The following MSRA variants were observed in gnomAD, a reference collection of about 807,000 sequenced individuals.
MSRA encodes the protein mitochondrial peptide methionine sulfoxide reductase.
Under a neutral mutation model 31.3 loss-of-function variants are expected in MSRA, and 54 were observed. The observed-to-expected ratio is 1.73, with a 90% CI of 1.39 to 2.17. The LOEUF is 2.17. Ranked by LOEUF, MSRA falls within the 30% of genes most tolerant of loss-of-function variation. The pLI is 0.00. For missense variants in MSRA, 507 were observed against 300.9 expected (o/e 1.69, Z -5.07); for synonymous variants, 169 against 116.5 (o/e 1.45, Z -2.90).
intron 1 of MSRA, among the ~76,000 whole-genome samples, chr8:10,206,023 T>C (rs1192046711): frequency 6.6e-6 from 1 of 152,260 alleles, no homozygotes; most frequent in Non-Finnish European, 1.5e-5. Context: ...TCATAGATAT[T>C]ATGTGTATCA....
At chr8:10,312,416 C>T (rs1002591829) in intron 4 of MSRA, among the ~76,000 whole-genome samples, 2 of 152,196 alleles carry the variant, frequency 1.3e-5, no homozygotes, top group Non-Finnish European at 2.9e-5. Context: ...TAGATACATT[C>T]TTTAAAAATA....
At position 10,358,472 on chromosome 8, in the gene MSRA, ATGGCCTGTTAGGAACCTGGT is replaced by A. The variant is rs1460711955; in HGVS notation, c.543+38486_543+38505del. Among the ~76,000 whole-genome samples the A allele has an allele frequency of 3.5e-5, 5 of 144,074 alleles. No individual in the cohort carries two copies. In the Middle Eastern group the frequency reaches 0.011, roughly 315 times the overall value. 94.5% of individuals were successfully genotyped at this position (144,074 alleles called of 152,430 possible). A position where few individuals can be genotyped will look rare whatever the true frequency, so the allele number is the denominator to read the frequency against. On this transcript the variant is annotated intron_variant, in intron 5 of 5. Coordinates refer to ENST00000317173, the MANE Select transcript of MSRA (RefSeq NM_012331.5). ...GGTCCCCAACCCCCGGTTCTGGCCT[ATGGCCTGTTAGGAACCTGGT>A]TGCACAGAAGGAGGTGAGCTGGCAT...
At chr8:10,394,603 G>A (rs1806978710) in intron 5 of MSRA, among the ~76,000 whole-genome samples, 1 of 152,236 alleles carries the variant, frequency 6.6e-6, no homozygotes, top group Admixed American at 6.5e-5. Flanking sequence ...GGAAAACCAA[G>A]GCTCAGAACA....
intron 5 of MSRA, among the ~76,000 whole-genome samples, chr8:10,393,043 CTGA>C (rs1806860392): frequency 7.9e-6 from 1 of 126,840 alleles, no homozygotes. Flanking sequence ...GCCTGGACGA[CTGA>C]GCGAGACTCC....
intron 3 of MSRA, among the ~76,000 whole-genome samples, chr8:10,285,664 C>G (rs370612139): frequency 6.6e-6 from 1 of 151,854 alleles, no homozygotes; most frequent in Non-Finnish European, 1.5e-5. Flanking sequence ...ACTCCTTCCC[C>G]GCCTCTGGTA....
At chr8:10,120,705 C>G (rs184229000) in intron 1 of MSRA, among the ~76,000 whole-genome samples, 24 of 152,280 alleles carry the variant, frequency 1.6e-4, no homozygotes, top group African/African-American at 5.1e-4. Context: ...ATAATTAAAG[C>G]GAAGCCTGGT....
chr8:10,222,378 G>C (rs1389016289), intron 2 of MSRA, among the ~76,000 whole-genome samples: 1 of 152,166 alleles, frequency 6.6e-6, no homozygotes, highest in Non-Finnish European at 1.5e-5. Context: ...AAGATGGCAA[G>C]TGTTGGTGAG....
intron 1 of MSRA, among the ~76,000 whole-genome samples, chr8:10,132,185 G>A (rs1405177217): frequency 6.6e-6 from 1 of 152,226 alleles, no homozygotes; most frequent in African/African-American, 2.4e-5. Context: ...TGATCGTTCT[G>A]TAAATTGGAG....
At chr8:10,248,005 C>G (rs1421528551) in intron 3 of MSRA, among the ~76,000 whole-genome samples, 2 of 152,056 alleles carry the variant, frequency 1.3e-5, no homozygotes, top group African/African-American at 4.8e-5. Flanking sequence ...CACTGGCGGG[C>G]CTCCCCTCTG....
At chr8:10,193,571 C>T (rs1807717239) in intron 1 of MSRA, among the ~76,000 whole-genome samples, 1 of 152,150 alleles carries the variant, frequency 6.6e-6, no homozygotes, top group African/African-American at 2.4e-5. Flanking sequence ...AGGCACCCAG[C>T]AGTGTGTTTA....
At chr8:10,071,338 C>G (rs1358081370) in intron 1 of MSRA, among the ~76,000 whole-genome samples, 1 of 152,148 alleles carries the variant, frequency 6.6e-6, no homozygotes, top group East Asian at 1.9e-4. Context: ...TTAAACATTT[C>G]TAATTGAATT....
At chr8:10,299,868 A>T (rs2129124108) in intron 3 of MSRA, among the ~76,000 whole-genome samples, 1 of 152,360 alleles carries the variant, frequency 6.6e-6, no homozygotes, top group African/African-American at 2.4e-5. Flanking sequence ...TTGATTTAGA[A>T]ATTCCATTTA....
chr8:10,154,020 A>G (rs961385851), intron 1 of MSRA, among the ~76,000 whole-genome samples: 16 of 152,238 alleles, frequency 1.1e-4, no homozygotes, highest in African/African-American at 3.6e-4. Context: ...ATCAAAACCA[A>G]TGTGGTCTTG....
intron 1 of MSRA, among the ~76,000 whole-genome samples, chr8:10,194,801 C>T (rs989016040): frequency 2.0e-5 from 3 of 152,190 alleles, no homozygotes; most frequent in African/African-American, 7.2e-5. Context: ...CTGCAGCTGC[C>T]AGCCACTCCT....
At chr8:10,057,773 C>T (rs1011113650) in intron 1 of MSRA, among the ~76,000 whole-genome samples, 3 of 152,218 alleles carry the variant, frequency 2.0e-5, no homozygotes, top group African/African-American at 4.8e-5. Context: ...GCTTCCTCTT[C>T]TGCCATGATT....
intron 5 of MSRA, among the ~76,000 whole-genome samples, chr8:10,385,922 A>G (rs1201137288): frequency 6.6e-6 from 1 of 152,094 alleles, no homozygotes; most frequent in Non-Finnish European, 1.5e-5. Flanking sequence ...ACAGAGGAGG[A>G]CAATACGCGA....
chr8:10,211,770 G>A (rs759058666), intron 2 of MSRA, among the ~76,000 whole-genome samples: 12 of 152,158 alleles, frequency 7.9e-5, no homozygotes, highest in Middle Eastern at 3.4e-3. Context: ...CTCTCTGGCC[G>A]TCAATATCTT....
chr8:10,349,954 G>A (rs4260896), intron 5 of MSRA, among the ~76,000 whole-genome samples: 82,931 of 152,160 alleles, frequency 0.55, 24,243 homozygotes, highest in Non-Finnish European at 0.66. Context: ...AACCCTCGCT[G>A]AAGGTTACAG....
chr8:10,341,179 G>T (rs1172398236), intron 5 of MSRA, among the ~76,000 whole-genome samples: 1 of 152,200 alleles, frequency 6.6e-6, no homozygotes, highest in African/African-American at 2.4e-5. Context: ...ACCTGAGACT[G>T]AGTAATTTAT....
Sources: gnomAD v4.1 joint callset for allele counts (sites outside exome capture counted in the v4.1 genomes callset) on GRCh38, gnomAD v4.1.1 for gene constraint, MANE v1.5 for transcripts, NCBI Gene and HGNC (gene_info 2026-07-23, HGNC 2026-07-21) for gene names.